Variants in TTC34 observed in about 807,000 individuals in gnomAD.
TTC34 encodes the protein tetratricopeptide repeat domain 34, also known as tetratricopeptide repeat protein 34.
TTC34 carries 44 observed loss-of-function variants against 40.7 expected under a neutral mutation model. The ratio of observed to expected loss-of-function variants is 1.08; its 90% CI spans 0.85 to 1.39. The LOEUF is 1.39. TTC34 is among the 40% of genes most tolerant of loss of function. The pLI is 0.00. For synonymous variants in TTC34, 422 were observed against 398.6 expected, an observed-to-expected ratio of 1.06 and a Z score of -0.70; for missense variants, 884 against 838.0, an observed-to-expected ratio of 1.05 and a Z score of -0.68.
At chr1:2,749,580 G>C (rs1641251872) in intron 6 of TTC34, among the ~76,000 whole-genome samples, 1 of 105,262 alleles carries the variant, frequency 9.5e-6, no homozygotes, top group East Asian at 2.8e-4. Context: ...GCGAGCATCC[G>C]ACAGCCTGGA....
chr1:2,686,312 C>A (rs1570813874), intron 6 of TTC34, among the ~76,000 whole-genome samples: 3 of 150,968 alleles, frequency 2.0e-5, no homozygotes, highest in Admixed American at 6.6e-5. Flanking sequence ...CACGGAGCAG[C>A]ACCCACACCT....
chr1:2,748,481 C>A (rs1641217574), intron 6 of TTC34, among the ~76,000 whole-genome samples: 1 of 151,666 alleles, frequency 6.6e-6, no homozygotes, highest in Non-Finnish European at 1.5e-5. Flanking sequence ...CACCCCACAT[C>A]CCCGGGTGAG....
At chr1:2,637,498 A>C (rs1174551879) in exon 9 of TTC34, 2 of 152,228 alleles carry the variant, frequency 1.3e-5, no homozygotes, top group Non-Finnish European at 2.9e-5. Context: ...TCTCCTGGCC[A>C]GTGGGAAGGG....
At chr1:2,653,851 C>A in intron 6 of TTC34, among the ~76,000 whole-genome samples, 1 of 150,042 alleles carries the variant, frequency 6.7e-6, no homozygotes. Context: ...CACCCACAGC[C>A]CAAGGTGAGC....
chr1:2,642,295 G>A (rs1638923895), intron 8 of TTC34, among the ~76,000 whole-genome samples: 1 of 152,174 alleles, frequency 6.6e-6, no homozygotes, highest in African/African-American at 2.4e-5. Context: ...TTGACTGGGT[G>A]ACCACACCGG....
chr1:2,644,321 C>G (rs766408366), exon 8 of TTC34: 34 of 1,535,660 alleles, frequency 2.2e-5, no homozygotes, highest in Non-Finnish European at 2.6e-5. Context: ...AGCTGAGATC[C>G]GGGGCATCCA....
In TTC34 at chr1:2,698,992, C is replaced by T. The variant is rs560440561; in HGVS notation, c.2227-53429G>A. ...GCCCCCCCAGGTGAGCATCTGACAGCCTGGAAAGGCACCCACACCACCAGG... is the reference window on the plus strand; with the variant it reads ...GCCCCCCCAGGTGAGCATCTGACAGTCTGGAAAGGCACCCACACCACCAGG... On this transcript the variant is annotated intron_variant, in intron 6 of 8. Transcript: ENST00000401095. Among the ~76,000 whole-genome samples, 10 of 121,722 alleles carry T rather than the reference C, an allele frequency of 8.2e-5. 1 individual carries two copies. The highest frequency in any genetic ancestry group is 1.7e-4 in the Non-Finnish European group (9 of 52,336). The allele number at this position is 121,722 out of a possible 152,430, so 79.9% of individuals were successfully genotyped here.
At chr1:2,759,631 A>AC in intron 6 of TTC34, among the ~76,000 whole-genome samples, 1 of 152,036 alleles carries the variant, frequency 6.6e-6, no homozygotes, top group African/African-American at 2.4e-5. Context: ...CTGGAACAGC[A>AC]CCCACACCCC....
In TTC34 at chr1:2,789,618, C is replaced by G. The variant is rs374752903; in HGVS notation, c.1513G>C (p.Val505Leu). 843 of 1,379,894 alleles carry G rather than the reference C, an allele frequency of 6.1e-4. 2 individuals are homozygous for G. The highest frequency in any genetic ancestry group is 7.9e-4 in the Admixed American group (23 of 28,982). 85.5% of individuals were successfully genotyped at this position (1,379,894 alleles called of 1,614,324 possible). A position where few individuals can be genotyped will look rare whatever the true frequency, so the allele number is the denominator to read the frequency against. ...CCACGGGCCTCCTCCCGCAGCACCACCAGCAGCAGCCCCCGCTGGTTCCAG... is the reference window on the plus strand; with the variant it reads ...CCACGGGCCTCCTCCCGCAGCACCAGCAGCAGCAGCCCCCGCTGGTTCCAG... The change falls in exon 3 of 9, where the codon GTG becomes CTG. Residue 505 changes from valine to leucine, a missense_variant. Coordinates refer to ENST00000401095, the Ensembl canonical transcript of TTC34.
At chr1:2,790,021 T>G (rs1249284541) in exon 3 of TTC34, 16 of 395,498 alleles carry the variant, frequency 4.0e-5, no homozygotes, top group Non-Finnish European at 6.7e-5. Flanking sequence ...CCAGCGCGGG[T>G]CGCGCCCCGG....
exon 9 of TTC34, chr1:2,641,531 C>G (rs921129916): frequency 1.3e-6 from 2 of 1,534,734 alleles, no homozygotes; most frequent in South Asian, 1.2e-5. Context: ...AAGGAACATG[C>G]GTGCAGTGGG....
chr1:2,687,294 A>G (rs1360994127), intron 6 of TTC34, among the ~76,000 whole-genome samples: 2 of 127,384 alleles, frequency 1.6e-5, no homozygotes, highest in Non-Finnish European at 3.1e-5. Flanking sequence ...ACCACAGGTG[A>G]GCATCTGACA....
chr1:2,698,608 T>C (rs201376280), intron 6 of TTC34, among the ~76,000 whole-genome samples: 492 of 5,500 alleles, frequency 0.089, no homozygotes, highest in African/African-American at 0.1. Context: ...GCACCCACAC[T>C]CCCAGACGAG....
chr1:2,700,030 ATAGCCTGGAG>A (rs1641057447), intron 6 of TTC34, among the ~76,000 whole-genome samples: 1 of 121,652 alleles, frequency 8.2e-6, no homozygotes, highest in Non-Finnish European at 1.9e-5. Context: ...TGAGCATCTG[ATAGCCTGGAG>A]CAGCGCCCAC....
intron 6 of TTC34, among the ~76,000 whole-genome samples, chr1:2,686,428 A>G (rs371264915): frequency 1.3e-3 from 104 of 78,952 alleles, no homozygotes; most frequent in Middle Eastern, 6.8e-3. Flanking sequence ...ACAGCCTGGA[A>G]CAGAACCCAC....
chr1:2,789,487 C>G lies in TTC34; in HGVS notation c.1628+16G>C. Reference sequence around the variant, plus strand: ...GCAGGAAGCAGCGGCCCCAGCGTGCCCGGGCGGGTCCTCACCCCTCCTGCG... The same window carrying G: ...GCAGGAAGCAGCGGCCCCAGCGTGCGCGGGCGGGTCCTCACCCCTCCTGCG... On this transcript the variant is annotated intron_variant, in intron 3 of 8. Transcript: ENST00000401095. 1 of 1,506,738 alleles carries G rather than the reference C, an allele frequency of 6.6e-7. No individual in the cohort carries two copies. Among genetic ancestry groups the G allele is most frequent in the African/African-American group, 1.4e-5 (1 of 70,484 alleles). The allele number at this position is 1,506,738 out of a possible 1,614,324, so 93.3% of individuals were successfully genotyped here.
At chr1:2,685,819 G>C (rs1288152216) in intron 6 of TTC34, among the ~76,000 whole-genome samples, 4 of 144,934 alleles carry the variant, frequency 2.8e-5, no homozygotes, top group South Asian at 2.2e-4. Context: ...GCATCTGACA[G>C]ACTGGAACGG....
intron 6 of TTC34, among the ~76,000 whole-genome samples, chr1:2,686,475 CCA>C: frequency 1.4e-5 from 2 of 140,292 alleles, no homozygotes; most frequent in Admixed American, 6.9e-5. Flanking sequence ...GGAACAGCAC[CCA>C]CATGCCCAGC....
chr1:2,773,025 C>A (rs868562074), intron 6 of TTC34, among the ~76,000 whole-genome samples: 193 of 33,494 alleles, frequency 5.8e-3, no homozygotes, highest in Admixed American at 0.012. Context: ...CACCCCCAGG[C>A]GAGCATCTGA....
Sources: gnomAD v4.1 joint callset for allele counts (sites outside exome capture counted in the v4.1 genomes callset) on GRCh38, gnomAD v4.1.1 for gene constraint, MANE v1.5 for transcripts, NCBI Gene and HGNC (gene_info 2026-07-23, HGNC 2026-07-21) for gene names.